The following PCLO variants were observed in gnomAD, a reference collection of about 807,000 sequenced individuals.
The protein encoded by PCLO is piccolo presynaptic cytomatrix protein.
PCLO carries 82 observed loss-of-function variants against 427.5 expected under a neutral mutation model. That is an observed-to-expected ratio of 0.19 (90% confidence interval 0.16 to 0.23). The LOEUF (loss-of-function observed/expected upper bound fraction) is 0.23, where lower values mean the gene tolerates loss of function less well. Among genes scored for constraint, PCLO ranks in the 10% least tolerant of loss-of-function variants. PCLO has a pLI of 1.00. For missense variants in PCLO, 6,239 were observed against 6,115.9 expected (o/e 1.02, Z -0.67); for synonymous variants, 2,357 against 2,155.4 (o/e 1.09, Z -2.59).
chr7:82,784,137 TC>T (rs1187389866), intron 22 of PCLO, among the ~76,000 whole-genome samples: 2 of 152,164 alleles, frequency 1.3e-5, no homozygotes, highest in Non-Finnish European at 1.5e-5. Context: ...ATTAGGATCA[TC>T]CTTTTAAAAC....
intron 3 of PCLO, among the ~76,000 whole-genome samples, chr7:83,067,848 A>G (rs1163506608): frequency 7.0e-6 from 1 of 142,354 alleles, no homozygotes; most frequent in Non-Finnish European, 1.5e-5. Context: ...CCTCCTGTGT[A>G]AAGAAAGGTC....
chr7:82,962,731 G>T (rs950463746), intron 4 of PCLO, among the ~76,000 whole-genome samples: 2 of 151,790 alleles, frequency 1.3e-5, no homozygotes, highest in Non-Finnish European at 2.9e-5. Flanking sequence ...TCTCTGATTG[G>T]AATTATAATT....
At chr7:83,050,689 A>C (rs754842968) in intron 3 of PCLO, among the ~76,000 whole-genome samples, 14 of 151,598 alleles carry the variant, frequency 9.2e-5, no homozygotes, top group Admixed American at 2.0e-4. Context: ...GGATCACCTG[A>C]GGTCAGTTTG....
chr7:82,918,296 G>T (rs939440949), intron 6 of PCLO, among the ~76,000 whole-genome samples: 3 of 151,586 alleles, frequency 2.0e-5, no homozygotes, highest in Non-Finnish European at 4.4e-5. Context: ...ATTAATCACA[G>T]AATTGTTATA....
chr7:82,843,585 T>C (rs2115794358), intron 13 of PCLO, among the ~76,000 whole-genome samples: 1 of 152,170 alleles, frequency 6.6e-6, no homozygotes, highest in East Asian at 1.9e-4. Context: ...GAAGAGTAGA[T>C]TTCAAGTGTT....
At chr7:83,030,498 C>T (rs140156531) in intron 3 of PCLO, among the ~76,000 whole-genome samples, 5 of 152,256 alleles carry the variant, frequency 3.3e-5, no homozygotes, top group African/African-American at 1.2e-4. Context: ...TTTTCAACTC[C>T]TATCTCTGTA....
In PCLO at chr7:82,939,658, T is replaced by C. The variant is rs184320336; in HGVS notation, c.11112+9818A>G. Among the ~76,000 whole-genome samples, 12 of 147,522 alleles carry C rather than the reference T, an allele frequency of 8.1e-5. No individual in the cohort carries two copies. In the South Asian group the frequency reaches 2.5e-3, roughly 31 times the overall value. ...ATTTTCCACTGGAAATATATATATA[T>C]ATAGAGAGAGAGAGAAATAGATATA... On this transcript the variant is annotated intron_variant, in intron 6 of 24. Transcript: ENST00000333891.
rs762371134 is a variant in PCLO, at chr7:83,155,515, T to TG, written c.1125_1126insC (p.Thr376HisfsTer57). ...TCCGATGAAGGCTTCTCTGACCCAG[T>TG]CTGCTGAGCTGGAGGCTTAGCAGGA... On this transcript the variant is annotated frameshift_variant, in exon 2 of 25. Coordinates refer to ENST00000333891, the MANE Select transcript of PCLO (RefSeq NM_033026.6). LOFTEE classifies it high-confidence loss of function. 1 of 1,517,748 alleles carries TG rather than the reference T, an allele frequency of 6.6e-7. No homozygotes were observed. The highest frequency in any genetic ancestry group is 1.1e-5 in the South Asian group (1 of 87,288). The allele number at this position is 1,517,748 out of a possible 1,614,324, so 94.0% of individuals were successfully genotyped here.
intron 1 of PCLO, among the ~76,000 whole-genome samples, chr7:83,161,931 A>G (rs752585521): frequency 6.6e-6 from 1 of 152,216 alleles, no homozygotes; most frequent in Non-Finnish European, 1.5e-5. Flanking sequence ...ATTCACAGAG[A>G]AAAAGACCCG....
At chr7:83,110,278 T>C (rs17157196) in intron 3 of PCLO, among the ~76,000 whole-genome samples, 2,895 of 152,072 alleles carry the variant, frequency 0.019, 84 homozygotes, top group African/African-American at 0.064. Flanking sequence ...GATATTAAGA[T>C]CCGAGAACAC....
intron 6 of PCLO, among the ~76,000 whole-genome samples, chr7:82,924,985 C>T (rs1201989054): frequency 2.0e-5 from 3 of 152,090 alleles, no homozygotes; most frequent in Non-Finnish European, 2.9e-5. Context: ...TTAAAGAGAA[C>T]TTGAGAATGG....
chr7:83,010,599 T>C (rs1033771889), intron 3 of PCLO, among the ~76,000 whole-genome samples: 5 of 150,414 alleles, frequency 3.3e-5, no homozygotes, highest in African/African-American at 7.3e-5. Flanking sequence ...TATTTTAATA[T>C]AATATATATT....
rs928532393 is a variant in PCLO at position 83,155,517 on chromosome 7, T to G, written c.1124A>C (p.Gln375Pro). ...CGATGAAGGCTTCTCTGACCCAGTC[T>G]GCTGAGCTGGAGGCTTAGCAGGACC... is the stretch of plus-strand genomic sequence containing the variant. ...PLGPAKPPAQQTGSEKPSSEQ... is the reference protein window; with the variant it reads ...PLGPAKPPAQPTGSEKPSSEQ... The change falls in exon 2 of 25, where the codon CAG becomes CCG. Residue 375 changes from glutamine to proline, a missense_variant. Gln to Pro is a moderately conservative substitution (Grantham distance 76). Transcript: ENST00000333891. 30 of 1,609,444 alleles carry G rather than the reference T, an allele frequency of 1.9e-5. No individual in the cohort carries two copies. The highest frequency in any genetic ancestry group is 3.3e-4 in the Middle Eastern group (2 of 6,072).
At chr7:82,878,998 A>C (rs1793437351) in intron 10 of PCLO, among the ~76,000 whole-genome samples, 1 of 152,140 alleles carries the variant, frequency 6.6e-6, no homozygotes, top group African/African-American at 2.4e-5. Flanking sequence ...TTGTAGCTCT[A>C]ATTTCAATAT....
intron 3 of PCLO, among the ~76,000 whole-genome samples, chr7:83,096,074 T>C (rs546993982): frequency 2.0e-5 from 3 of 152,126 alleles, no homozygotes; most frequent in Admixed American, 6.6e-5. Context: ...ACACCTCAAT[T>C]TCAACTTTCT....
At chr7:82,925,636 T>A (rs920294341) in intron 6 of PCLO, among the ~76,000 whole-genome samples, 4 of 151,528 alleles carry the variant, frequency 2.6e-5, no homozygotes, top group African/African-American at 9.7e-5. Flanking sequence ...CATCCCTCTA[T>A]CCTCTGCTTC....
At chr7:83,065,650 C>T (rs952248283) in intron 3 of PCLO, among the ~76,000 whole-genome samples, 2 of 151,846 alleles carry the variant, frequency 1.3e-5, no homozygotes, top group African/African-American at 4.8e-5. Context: ...GATAAATATG[C>T]AGATACAATG....
chr7:82,896,566 T>A lies in PCLO; in HGVS notation c.13528+6085A>T, dbSNP rs573214263. Among the ~76,000 whole-genome samples the A allele has an allele frequency of 2.4e-4, 36 of 151,770 alleles. 1 individual carries two copies. Among genetic ancestry groups the A allele is most frequent in the African/African-American group, 7.9e-4 (33 of 41,524 alleles). ...GATGGAAATCTCTAAAACAAGATTGTGGTGATGATTGCACAAGTCCATAAA... is the reference window on the plus strand; with the variant it reads ...GATGGAAATCTCTAAAACAAGATTGAGGTGATGATTGCACAAGTCCATAAA... On this transcript the variant is annotated intron_variant, in intron 9 of 24. Coordinates refer to ENST00000333891, the MANE Select transcript of PCLO (RefSeq NM_033026.6).
At chr7:82,956,987 C>T (rs1290780460) in intron 4 of PCLO, 52 bp from the exon 5 acceptor site, 1 of 1,468,972 alleles carries the variant, frequency 6.8e-7, no homozygotes, top group Non-Finnish European at 9.0e-7. Context: ...AAACTAAAAA[C>T]ATGGCCTCTC....
Sources: gnomAD v4.1 joint callset for allele counts (sites outside exome capture counted in the v4.1 genomes callset) on GRCh38, gnomAD v4.1.1 for gene constraint, MANE v1.5 for transcripts, NCBI Gene and HGNC (gene_info 2026-07-23, HGNC 2026-07-21) for gene names.